KLHL29: variants seen among roughly 807,000 people sequenced by gnomAD.
KLHL29 encodes the protein kelch-like protein 29.
A neutral mutation model predicts 80.4 loss-of-function variants in KLHL29; 21 were observed. The ratio of observed to expected loss-of-function variants is 0.26; its 90% CI spans 0.19 to 0.38. The LOEUF is 0.38. KLHL29 is among the 10% of genes least tolerant of loss of function. The pLI is 1.00. For missense variants in KLHL29, 867 were observed against 1,223.9 expected (o/e 0.71, Z 4.35); for synonymous variants, 511 against 526.8 (o/e 0.97, Z 0.41).
At chr2:23,441,836 G>C (rs1663534203) in intron 1 of KLHL29, among the ~76,000 whole-genome samples, 1 of 152,156 alleles carries the variant, frequency 6.6e-6, no homozygotes, top group South Asian at 2.1e-4. Flanking sequence ...AAAGTTCTAA[G>C]AGAACAAGCC....
chr2:23,611,922 G>GA (rs375601165), intron 3 of KLHL29, among the ~76,000 whole-genome samples: 6 of 146,934 alleles, frequency 4.1e-5, no homozygotes, highest in East Asian at 4.0e-4. Context: ...AGATTGATTA[G>GA]AAAAAAAAAT....
chr2:23,589,173 G>A (rs913910754), intron 3 of KLHL29, among the ~76,000 whole-genome samples: 8 of 152,356 alleles, frequency 5.3e-5, no homozygotes, highest in African/African-American at 1.7e-4. Flanking sequence ...TGAGCCAGGC[G>A]GCCTTTGCGC....
chr2:23,653,187 G>A (rs1020885001), intron 5 of KLHL29, among the ~76,000 whole-genome samples: 2 of 152,180 alleles, frequency 1.3e-5, no homozygotes, highest in Admixed American at 6.5e-5. Flanking sequence ...CAGTCAGCCA[G>A]GAAAACCTCA....
intron 2 of KLHL29, among the ~76,000 whole-genome samples, chr2:23,477,943 G>A (rs1016040911): frequency 2.0e-5 from 3 of 152,176 alleles, no homozygotes; most frequent in African/African-American, 7.2e-5. Flanking sequence ...GCTGATGCAG[G>A]GTGGCACATG....
rs1167154096 is a variant in KLHL29 at position 23,707,124 on chromosome 2, C to A, written c.*460C>A. On this transcript the variant is annotated 3_prime_UTR_variant, in exon 14 of 14. Coordinates refer to ENST00000486442, the MANE Select transcript of KLHL29 (RefSeq NM_052920.2). ...ACTTTTGTTTTTTAACCGATCTACACTTTCAGTGGCCGACAGAAAACGAGG... is the reference window on the plus strand; with the variant it reads ...ACTTTTGTTTTTTAACCGATCTACAATTTCAGTGGCCGACAGAAAACGAGG... 6.5e-6 allele frequency: 1 copy of A among 153,034 alleles called. No homozygotes were observed. The highest frequency in any genetic ancestry group is 2.4e-5 in the African/African-American group (1 of 41,470). 9.5% of individuals were successfully genotyped at this position (153,034 alleles called of 1,614,324 possible).
At position 23,597,309 on chromosome 2, in the gene KLHL29, A is replaced by ATGTGTGTGTGTG. The variant is rs1217422868; in HGVS notation, c.285+34854_285+34865dup. Among the ~76,000 whole-genome samples the ATGTGTGTGTGTG allele has an allele frequency of 5.7e-3, 576 of 100,494 alleles. 6 individuals carry two copies. Among genetic ancestry groups the ATGTGTGTGTGTG allele is most frequent in the African/African-American group, 0.021 (504 of 24,538 alleles). 65.9% of individuals were successfully genotyped at this position (100,494 alleles called of 152,430 possible). Reference sequence around the variant, plus strand: ...CTCTCTCTCTCTCATATATATATATATGTGTGTGTGTGTGTGTGTGTGTGT... The same window carrying ATGTGTGTGTGTG: ...CTCTCTCTCTCTCATATATATATATATGTGTGTGTGTGTGTGTGTGTGTGTGTGTGTGTGTGT... On this transcript the variant is annotated intron_variant, in intron 3 of 13. Transcript: ENST00000486442.
intron 5 of KLHL29, among the ~76,000 whole-genome samples, chr2:23,671,153 T>C (rs1254071366): frequency 6.6e-6 from 1 of 151,750 alleles, no homozygotes; most frequent in Non-Finnish European, 1.5e-5. Flanking sequence ...ACTAAACTGA[T>C]TGTACTCCTG....
At chr2:23,407,803 T>C (rs867519867) in intron 1 of KLHL29, among the ~76,000 whole-genome samples, 4 of 152,200 alleles carry the variant, frequency 2.6e-5, no homozygotes, top group African/African-American at 7.2e-5. Flanking sequence ...TTTAACTTTT[T>C]CTTAATAGTC....
At position 23,501,518 on chromosome 2, in the gene KLHL29, A is replaced by C. The variant is rs188549294; in HGVS notation, c.-46+25851A>C. ...CCATTATCACTCAGCCCGATCATCG[A>C]TGTTCAGGTTGAAGAGCCTGTGTCA... On this transcript the variant is annotated intron_variant, in intron 2 of 13. Transcript: ENST00000486442. Among the ~76,000 whole-genome samples, 93 of 152,240 alleles carry C rather than the reference A, an allele frequency of 6.1e-4. 1 individual carries two copies. The highest frequency in any genetic ancestry group is 1.2e-3 in the Non-Finnish European group (80 of 68,008).
Position 23,596,720 on chromosome 2 carries a change from C to T in KLHL29, c.285+34239C>T, listed in dbSNP as rs1444828727. On this transcript the variant is annotated intron_variant, in intron 3 of 13. Coordinates refer to ENST00000486442, the MANE Select transcript of KLHL29 (RefSeq NM_052920.2). The surrounding 1 kb of genome is among the most constrained non-coding windows in gnomAD (Gnocchi z 4.4). ...CTAAATGAGGGCGATAGGAAGACTC[C>T]GATGCTGGGGCAGAGCCATCTCTTA... 6.6e-6 allele frequency among the ~76,000 whole-genome samples: 1 copy of T among 152,134 alleles called. No homozygotes were observed. The highest frequency in any genetic ancestry group is 1.5e-5 in the Non-Finnish European group (1 of 68,016).
At chr2:23,397,864 C>T (rs1052258623) in intron 1 of KLHL29, among the ~76,000 whole-genome samples, 1 of 152,192 alleles carries the variant, frequency 6.6e-6, no homozygotes, top group Admixed American at 6.5e-5. Flanking sequence ...AAAAGATGCT[C>T]CACATCACTA....
chr2:23,403,506 C>G (rs1478011803), intron 1 of KLHL29, among the ~76,000 whole-genome samples: 1 of 152,116 alleles, frequency 6.6e-6, no homozygotes, highest in African/African-American at 2.4e-5. Context: ...GGCTTCAAAC[C>G]TTAAAAGCAT....
At chr2:23,512,906 G>A (rs963702922) in intron 2 of KLHL29, among the ~76,000 whole-genome samples, 5 of 152,262 alleles carry the variant, frequency 3.3e-5, no homozygotes, top group Admixed American at 6.5e-5. Flanking sequence ...CTCTGTGCAT[G>A]CTGTGGGGAC....
chr2:23,595,763 C>G (rs1360684940), intron 3 of KLHL29, among the ~76,000 whole-genome samples: 1 of 152,200 alleles, frequency 6.6e-6, no homozygotes, highest in African/African-American at 2.4e-5. Flanking sequence ...CCAAATCTTG[C>G]AGACTGCCCT....
Position 23,682,790 on chromosome 2 carries a change from C to T in KLHL29, c.941-1609C>T, listed in dbSNP as rs1671126535. 6.6e-6 allele frequency among the ~76,000 whole-genome samples: 1 copy of T among 152,192 alleles called. No individual in the cohort carries two copies. Among genetic ancestry groups the T allele is most frequent in the East Asian group, 1.9e-4 (1 of 5,188 alleles). ...GGTCTGAGCTCACCCCACGTAGATC[C>T]TTCCTGAAGTCCCAGCCAGAGCCCC... On this transcript the variant is annotated intron_variant, in intron 5 of 13. Transcript: ENST00000486442. This position sits in a 1 kb window ranked among gnomAD's most constrained non-coding sequence, Gnocchi z 4.1.
At chr2:23,677,751 A>G (rs1197908787) in intron 5 of KLHL29, among the ~76,000 whole-genome samples, 1 of 152,210 alleles carries the variant, frequency 6.6e-6, no homozygotes, top group African/African-American at 2.4e-5. Context: ...CAGTGTCAGC[A>G]TGCGTCGCGC....
At chr2:23,644,936 C>A (rs563150844) in intron 5 of KLHL29, among the ~76,000 whole-genome samples, 2 of 152,328 alleles carry the variant, frequency 1.3e-5, no homozygotes, top group Admixed American at 1.3e-4. Context: ...AACAACTGAC[C>A]GGTCCATCAC....
chr2:23,398,403 A>T (rs980397488), intron 1 of KLHL29, among the ~76,000 whole-genome samples: 1 of 152,260 alleles, frequency 6.6e-6, no homozygotes, highest in Admixed American at 6.5e-5. Context: ...TGAGGTACCT[A>T]GAGTAGTATG....
chr2:23,555,581 G>A (rs998592395), intron 2 of KLHL29, among the ~76,000 whole-genome samples: 2 of 152,204 alleles, frequency 1.3e-5, no homozygotes, highest in Admixed American at 6.5e-5. Context: ...CCCGAGGAAC[G>A]GGCAGCCTGA....
Sources: allele counts gnomAD v4.1 joint callset (sites outside exome capture counted in the v4.1 genomes callset), GRCh38; gene constraint gnomAD v4.1.1; non-coding constraint Gnocchi (gnomAD v3.1); transcripts MANE v1.5; gene names NCBI Gene and HGNC (gene_info 2026-07-23, HGNC 2026-07-21).